ZFYVE28: variants seen among roughly 807,000 people sequenced by gnomAD.
The protein encoded by ZFYVE28 is zinc finger FYVE-type containing 28.
In ZFYVE28, 40 loss-of-function variants were observed where a neutral mutation model predicts 82.1. The ratio of observed to expected loss-of-function variants is 0.49; its 90% confidence interval spans 0.38 to 0.63. The LOEUF is 0.63. Among genes scored for constraint, ZFYVE28 ranks in the 30% least tolerant of loss-of-function variants. The pLI, the probability that ZFYVE28 is intolerant of heterozygous loss-of-function variation, is 0.00. For missense variants in ZFYVE28, 1,321 were observed against 1,242.1 expected, an observed-to-expected ratio of 1.06 and a Z score of -0.96; for synonymous variants, 612 against 546.1, an observed-to-expected ratio of 1.12 and a Z score of -1.68.
At chr4:2,388,986 C>T (rs1252428296) in intron 1 of ZFYVE28, among the ~76,000 whole-genome samples, 2 of 152,180 alleles carry the variant, frequency 1.3e-5, no homozygotes, top group Admixed American at 1.3e-4. Flanking sequence ...AATGCCCCCA[C>T]TGCCAGTAGC....
chr4:2,354,025 G>C lies in ZFYVE28; in HGVS notation c.88C>G (p.Leu30Val). 1 of 1,577,594 alleles carries C rather than the reference G, an allele frequency of 6.3e-7. No homozygotes were observed. Among genetic ancestry groups the C allele is most frequent in the Non-Finnish European group, 8.6e-7 (1 of 1,161,918 alleles). ...TCCAGCTCCGCGGCCACCTGGTTCA[G>C]CTCCTCGTCGGCATAGTAGAACCGG... ...LARFYYADEE[L>V]NQVAAELDSL... is the part of the protein sequence containing the mutation. Residue 30 changes from leucine to valine, a missense_variant, in exon 2 of 13, where the codon CTG becomes GTG. Physicochemically the swap from Leu to Val is conservative, Grantham distance 32 (BLOSUM62 1). Around this residue, in one of 2 missense-constraint regions of ZFYVE28, gnomAD observed 343 missense variants for 408.4 expected, o/e 0.84. Transcript: ENST00000290974.
At chr4:2,303,241 C>G (rs1236224860) in intron 8 of ZFYVE28, among the ~76,000 whole-genome samples, 1 of 152,208 alleles carries the variant, frequency 6.6e-6, no homozygotes, top group Non-Finnish European at 1.5e-5. Context: ...CTCCAGCGAG[C>G]TCACGACCTG....
At position 2,339,692 on chromosome 4, in the gene ZFYVE28, G is replaced by A. The variant is rs1722453701; in HGVS notation, c.319-37C>T. On this transcript the variant is annotated intron_variant, in intron 3 of 12. Transcript: ENST00000290974. This position sits in a 1 kb window ranked among gnomAD's most constrained non-coding sequence, Gnocchi z 5.0. ...GACACACTCAGGGAGGGGCCCGGGT[G>A]AGGGCCAGGCTCTCAGGGGTCGCCG... 1 of 1,549,698 alleles carries A rather than the reference G, an allele frequency of 6.5e-7. No individual in the cohort carries two copies. Among genetic ancestry groups the A allele is most frequent in the African/African-American group, 1.4e-5 (1 of 73,562 alleles).
intron 8 of ZFYVE28, among the ~76,000 whole-genome samples, chr4:2,299,638 A>AG (rs1715186473): frequency 7.9e-6 from 1 of 126,600 alleles, no homozygotes; most frequent in Non-Finnish European, 1.7e-5. Context: ...AGGGAAGGGA[A>AG]GGGAGGGGAG....
At chr4:2,375,649 G>A (rs941398772) in intron 1 of ZFYVE28, among the ~76,000 whole-genome samples, 1 of 2,738 alleles carries the variant, frequency 3.7e-4, no homozygotes, top group Non-Finnish European at 6.5e-4. Flanking sequence ...ACGACGTGGC[G>A]CCTGCCCTGG....
intron 8 of ZFYVE28, among the ~76,000 whole-genome samples, chr4:2,274,514 C>A (rs1009128811): frequency 2.0e-5 from 3 of 152,110 alleles, no homozygotes; most frequent in Non-Finnish European, 4.4e-5. Flanking sequence ...AGGCTGTACT[C>A]CTGGCTTAAT....
At chr4:2,375,346 G>C (rs964954533) in intron 1 of ZFYVE28, among the ~76,000 whole-genome samples, 1 of 152,176 alleles carries the variant, frequency 6.6e-6, no homozygotes, top group Non-Finnish European at 1.5e-5. Context: ...AAATCACCCA[G>C]GGTCAATCAG....
In ZFYVE28 at chr4:2,354,012, G is replaced by A; in HGVS notation, c.101C>T (p.Ala34Val). 3 of 1,580,204 alleles carry A rather than the reference G, an allele frequency of 1.9e-6. No individual in the cohort carries two copies. Among genetic ancestry groups the A allele is most frequent in the Admixed American group, 1.8e-5 (1 of 56,170 alleles). Residue 34 changes from alanine to valine, a missense_variant, in exon 2 of 13, where the codon GCC becomes GTC. Physicochemically the swap from Ala to Val is moderately conservative, Grantham distance 64 (BLOSUM62 0). Transcript: ENST00000290974. ...YYADEELNQV[A>V]AELDSLDGRK... ...CCCATCCAGGCTGTCCAGCTCCGCG[G>A]CCACCTGGTTCAGCTCCTCGTCGGC...
chr4:2,341,968 C>T lies in ZFYVE28; in HGVS notation c.181-353G>A, dbSNP rs931823482. ...CAGGGAGGCAGAGGTTGCAGTGAGC[C>T]GAGATGGTGCCATCGCACTCCAGCC... On this transcript the variant is annotated intron_variant, in intron 2 of 12. Transcript: ENST00000290974. The surrounding 1 kb of genome is among the most constrained non-coding windows in gnomAD (Gnocchi z 4.5). Among the ~76,000 whole-genome samples, 14 of 152,138 alleles carry T rather than the reference C, an allele frequency of 9.2e-5. No homozygotes were observed. Among genetic ancestry groups the T allele is most frequent in the Non-Finnish European group, 1.6e-4 (11 of 68,024 alleles).
intron 6 of ZFYVE28, among the ~76,000 whole-genome samples, chr4:2,331,630 G>A (rs1720723303): frequency 6.6e-6 from 1 of 152,210 alleles, no homozygotes; most frequent in Non-Finnish European, 1.5e-5. Context: ...TCAGCAGGAG[G>A]GACTGACTGG....
intron 1 of ZFYVE28, among the ~76,000 whole-genome samples, chr4:2,360,389 TCACACACACACA>T (rs10545681): frequency 7.0e-5 from 10 of 143,290 alleles, no homozygotes; most frequent in Admixed American, 3.5e-4. Flanking sequence ...AGAGCTGTAA[TCACACACACACA>T]CACACACACA....
In ZFYVE28 at chr4:2,330,448, C is replaced by T. The variant is rs540032755; in HGVS notation, c.701+5257G>A. The stretch of plus-strand genomic sequence containing the variant: ...AGGGGACATCATGGAGGGGACAGCA[C>T]GGAGGAGGGAACATCATAAAGGAGG... On this transcript the variant is annotated intron_variant, in intron 6 of 12. Transcript: ENST00000290974. 62 of 1,058,094 alleles carry T rather than the reference C, an allele frequency of 5.9e-5. No individual in the cohort carries two copies. In the South Asian group the frequency reaches 1.2e-3, roughly 20 times the overall value. The allele number at this position is 1,058,094 out of a possible 1,614,324, so 65.5% of individuals were successfully genotyped here.
Position 2,271,330 on chromosome 4 carries a change from T to C in ZFYVE28, c.2513A>G (p.His838Arg). The C allele has an allele frequency of 1.9e-6, 3 of 1,612,910 alleles. No individual in the cohort carries two copies. The highest frequency in any genetic ancestry group is 2.5e-6 in the Non-Finnish European group (3 of 1,179,942). The part of the protein sequence containing the change: ...APFTVIRRKH[H>R]CRSCGKIFCS... ...ACCCACCTTCCCACAGCTGCGGCAG[T>C]GGTGCTTCCGGCGGATGACGGTGAA... The change falls in exon 12 of 13, where the codon CAC (histidine) becomes CGC (arginine). Residue 838 changes from histidine to arginine, a missense_variant. By Grantham distance (29) the His-to-Arg change is conservative. Coordinates refer to ENST00000290974, the MANE Select transcript of ZFYVE28 (RefSeq NM_020972.3).
chr4:2,273,396 C>T, intron 9 of ZFYVE28, 107 bp from the exon 10 acceptor site: 3 of 939,040 alleles, frequency 3.2e-6, no homozygotes, highest in Non-Finnish European at 4.9e-6. Flanking sequence ...CAGCCCAGGC[C>T]AGCGTGTTCT....
At chr4:2,349,071 G>A (rs549128827) in intron 2 of ZFYVE28, among the ~76,000 whole-genome samples, 1 of 152,220 alleles carries the variant, frequency 6.6e-6, no homozygotes, top group African/African-American at 2.4e-5. Flanking sequence ...CATGAAATAA[G>A]AGAATCGGAC....
chr4:2,292,610 G>A (rs1401115173), intron 8 of ZFYVE28, among the ~76,000 whole-genome samples: 2 of 152,164 alleles, frequency 1.3e-5, no homozygotes, highest in Admixed American at 6.5e-5. Context: ...CTCCATTCAC[G>A]GAATAAGATG....
At chr4:2,386,815 C>T (rs1441766732) in intron 1 of ZFYVE28, among the ~76,000 whole-genome samples, 1 of 152,266 alleles carries the variant, frequency 6.6e-6, no homozygotes. Flanking sequence ...CTAAGACAGG[C>T]GCTTTCAGCA....
chr4:2,359,131 G>C (rs913302246), intron 1 of ZFYVE28, among the ~76,000 whole-genome samples: 3 of 151,612 alleles, frequency 2.0e-5, no homozygotes, highest in Non-Finnish European at 4.4e-5. Context: ...CCCACCACCA[G>C]GCCCGGCTAA....
chr4:2,338,383 G>T (rs550491343), intron 4 of ZFYVE28, among the ~76,000 whole-genome samples: 2 of 152,226 alleles, frequency 1.3e-5, no homozygotes, highest in Non-Finnish European at 2.9e-5. Context: ...TTGAGGTCAG[G>T]CATTTGAGAC....
Sources: allele counts gnomAD v4.1 joint callset (sites outside exome capture counted in the v4.1 genomes callset), GRCh38; gene constraint gnomAD v4.1.1; regional missense constraint gnomAD v4.1.1; non-coding constraint Gnocchi (gnomAD v3.1); transcripts MANE v1.5; gene names NCBI Gene and HGNC (gene_info 2026-07-23, HGNC 2026-07-21).